TMEM117: variants seen among roughly 807,000 people sequenced by gnomAD.
TMEM117 encodes the protein transmembrane protein 117.
TMEM117 carries 27 observed loss-of-function variants against 52.4 expected under a neutral mutation model. The observed-to-expected ratio is 0.51, with a 90% confidence interval of 0.38 to 0.71. The LOEUF is 0.71. Among genes scored for constraint, TMEM117 ranks in the 30% least tolerant of loss-of-function variants. The pLI is 0.00. For missense variants in TMEM117, 556 were observed against 630.5 expected (o/e 0.88, Z 1.26); for synonymous variants, 215 against 206.3 (o/e 1.04, Z -0.36).
chr12:43,982,978 T>G (rs927200697), intron 3 of TMEM117, among the ~76,000 whole-genome samples: 9 of 152,226 alleles, frequency 5.9e-5, no homozygotes, highest in African/African-American at 1.9e-4. Flanking sequence ...TAAAGTTGAA[T>G]AAATACTATG....
chr12:44,327,578 C>G (rs1408917874), intron 6 of TMEM117, among the ~76,000 whole-genome samples: 1 of 152,164 alleles, frequency 6.6e-6, no homozygotes, highest in Non-Finnish European at 1.5e-5. Context: ...GCATAGTTAA[C>G]CACCGAACAT....
chr12:44,254,073 G>A (rs1036349866), intron 5 of TMEM117, among the ~76,000 whole-genome samples: 15 of 148,904 alleles, frequency 1.0e-4, no homozygotes, highest in Admixed American at 7.4e-4. Flanking sequence ...TAACCACTGT[G>A]AAGCAAAAAA....
chr12:44,158,110 A>G (rs1948851254), intron 4 of TMEM117, among the ~76,000 whole-genome samples: 1 of 152,164 alleles, frequency 6.6e-6, no homozygotes, highest in Admixed American at 6.6e-5. Context: ...AACATGAAGG[A>G]AAGGGAGTTT....
intron 3 of TMEM117, among the ~76,000 whole-genome samples, chr12:43,951,485 G>T (rs1353676662): frequency 6.6e-6 from 1 of 152,186 alleles, no homozygotes; most frequent in Non-Finnish European, 1.5e-5. Context: ...TGTGGCTTCA[G>T]TAGGTGGTTT....
chr12:43,981,989 A>G (rs1945768823), intron 3 of TMEM117, among the ~76,000 whole-genome samples: 1 of 152,150 alleles, frequency 6.6e-6, no homozygotes, highest in South Asian at 2.1e-4. Context: ...ATATTACACA[A>G]TAGCTAGAAG....
At chr12:43,953,379 C>G (rs945285860) in intron 3 of TMEM117, among the ~76,000 whole-genome samples, 2 of 152,118 alleles carry the variant, frequency 1.3e-5, no homozygotes, top group Non-Finnish European at 2.9e-5. Flanking sequence ...AGACAAGACC[C>G]ACCGGTGTGC....
chr12:44,256,700 C>T (rs528390690), intron 5 of TMEM117, among the ~76,000 whole-genome samples: 4 of 152,170 alleles, frequency 2.6e-5, no homozygotes, highest in Admixed American at 2.6e-4. Flanking sequence ...TATAAAATAA[C>T]ATGGGCTTTC....
At chr12:44,292,622 A>G (rs552246220) in intron 5 of TMEM117, among the ~76,000 whole-genome samples, 1 of 151,978 alleles carries the variant, frequency 6.6e-6, no homozygotes, top group Admixed American at 6.5e-5. Flanking sequence ...TTAGAACTGT[A>G]TTTGCTGCAT....
At chr12:44,374,127 CATT>C (rs1951905235) in intron 6 of TMEM117, among the ~76,000 whole-genome samples, 1 of 152,078 alleles carries the variant, frequency 6.6e-6, no homozygotes, top group Non-Finnish European at 1.5e-5. Flanking sequence ...TTCTGCAAAA[CATT>C]AGCAATTATC....
chr12:44,180,493 T>G, intron 4 of TMEM117, among the ~76,000 whole-genome samples: 1 of 98,080 alleles, frequency 1.0e-5, no homozygotes, highest in Admixed American at 1.2e-4. Context: ...CCCAATCCTA[T>G]CCCTCCCCCC....
chr12:43,975,286 G>A lies in TMEM117; in HGVS notation c.410+30944G>A, dbSNP rs555196181. Among the ~76,000 whole-genome samples the A allele has an allele frequency of 2.6e-5, 4 of 152,254 alleles. No homozygotes were observed. In the South Asian group the frequency reaches 8.3e-4, roughly 32 times the overall value. On this transcript the variant is annotated intron_variant, in intron 3 of 7. Transcript: ENST00000266534. ...AGGAAAAATAAAATTAGTTCTGTGT[G>A]CCCTTGACTCTATATATTTGTAGTG...
chr12:44,044,782 G>A (rs1486998894), intron 3 of TMEM117, among the ~76,000 whole-genome samples: 1 of 152,218 alleles, frequency 6.6e-6, no homozygotes, highest in Non-Finnish European at 1.5e-5. Context: ...AACAGTGAAG[G>A]GAAATCTTCC....
intron 3 of TMEM117, among the ~76,000 whole-genome samples, chr12:43,977,804 T>A (rs1431143479): frequency 6.6e-6 from 1 of 152,156 alleles, no homozygotes; most frequent in Admixed American, 6.6e-5. Context: ...ATTACCAGTT[T>A]TAATTTTTGT....
chr12:43,971,941 G>A (rs1037608656), intron 3 of TMEM117, among the ~76,000 whole-genome samples: 1 of 152,134 alleles, frequency 6.6e-6, no homozygotes, highest in Admixed American at 6.5e-5. Context: ...AACCACTACT[G>A]CACTCCCTGC....
At chr12:43,822,537 T>A in the TMEM117 span, among the ~76,000 whole-genome samples, 1 of 151,856 alleles carries the variant, frequency 6.6e-6, no homozygotes, top group Non-Finnish European at 1.5e-5. Context: ...TCCTTTCATA[T>A]GCCTAGGTGA....
At chr12:44,363,577 T>A (rs1011012586) in intron 6 of TMEM117, among the ~76,000 whole-genome samples, 7 of 152,198 alleles carry the variant, frequency 4.6e-5, no homozygotes, top group Non-Finnish European at 7.4e-5. Flanking sequence ...TTAATTATGA[T>A]AATTATTCTT....
At chr12:44,240,815 A>G (rs1219732775) in intron 5 of TMEM117, among the ~76,000 whole-genome samples, 1 of 152,084 alleles carries the variant, frequency 6.6e-6, no homozygotes, top group Admixed American at 6.6e-5. Context: ...TGCAGTGAAT[A>G]TCAATTTACA....
intron 5 of TMEM117, among the ~76,000 whole-genome samples, chr12:44,216,501 T>G (rs903939039): frequency 1.3e-5 from 2 of 152,146 alleles, no homozygotes; most frequent in Non-Finnish European, 2.9e-5. Flanking sequence ...ATTCTGATGT[T>G]TACAAAAAGT....
At chr12:44,222,766 A>T (rs1269730431) in intron 5 of TMEM117, among the ~76,000 whole-genome samples, 1 of 152,190 alleles carries the variant, frequency 6.6e-6, no homozygotes, top group African/African-American at 2.4e-5. Flanking sequence ...CTGAGATGTT[A>T]GAAATTAGGA....
Sources: allele counts gnomAD v4.1 joint callset (sites outside exome capture counted in the v4.1 genomes callset), GRCh38; gene constraint gnomAD v4.1.1; transcripts MANE v1.5; gene names NCBI Gene and HGNC (gene_info 2026-07-23, HGNC 2026-07-21).